Variants in WWC2 observed in about 807,000 individuals in gnomAD.
WWC2 encodes the protein protein WWC2.
In WWC2, 101 loss-of-function variants were observed where a neutral mutation model predicts 138.5. The ratio of observed to expected loss-of-function variants is 0.73; its 90% CI spans 0.62 to 0.86. The LOEUF (loss-of-function observed/expected upper bound fraction) is 0.86. Ranked by LOEUF, WWC2 falls within the 40% of genes least tolerant of loss-of-function variation. The pLI is 0.00. For synonymous variants in WWC2, 558 were observed against 538.4 expected, an observed-to-expected ratio of 1.04 and a Z score of -0.50; for missense variants, 1,420 against 1,419.4, an observed-to-expected ratio of 1.00 and a Z score of -0.01.
chr4:183,270,597 C>T (rs1230177938), intron 15 of WWC2, among the ~76,000 whole-genome samples: 4 of 152,016 alleles, frequency 2.6e-5, no homozygotes, highest in Non-Finnish European at 4.4e-5. Context: ...AACCCTGTCT[C>T]TACTAAAAAT....
chr4:183,232,948 G>A (rs928164541), intron 4 of WWC2, among the ~76,000 whole-genome samples: 4 of 151,696 alleles, frequency 2.6e-5, no homozygotes, highest in Middle Eastern at 3.2e-3. Context: ...GCGTCCAGCC[G>A]TATTTTATTT....
At chr4:183,180,532 G>A (rs955999188) in intron 1 of WWC2, among the ~76,000 whole-genome samples, 1 of 152,060 alleles carries the variant, frequency 6.6e-6, no homozygotes, top group African/African-American at 2.4e-5. Flanking sequence ...AGACTGGGAT[G>A]CAAACATTTA....
intron 4 of WWC2, among the ~76,000 whole-genome samples, chr4:183,231,294 G>C (rs1206356804): frequency 1.0e-5 from 1 of 99,796 alleles, no homozygotes; most frequent in Non-Finnish European, 1.8e-5. Flanking sequence ...TTTTGAGACA[G>C]AGCCTCACTC....
chr4:183,176,472 G>A (rs904131805), intron 1 of WWC2, among the ~76,000 whole-genome samples: 1 of 151,888 alleles, frequency 6.6e-6, no homozygotes, highest in South Asian at 2.1e-4. Flanking sequence ...ACTCAGGCTG[G>A]AGTGCAGTGG....
At position 183,260,917 on chromosome 4, in the gene WWC2, G is replaced by A; in HGVS notation, c.1294G>A (p.Ala432Thr). The A allele has an allele frequency of 6.2e-7, 1 of 1,613,350 alleles. No individual in the cohort carries two copies. The highest frequency in any genetic ancestry group is 1.3e-5 in the African/African-American group (1 of 74,986). Residue 432 changes from alanine (A) to threonine (T), a missense_variant, in exon 11 of 23, where the codon GCC becomes ACC. Physicochemically the swap from Ala to Thr is moderately conservative, Grantham distance 58. Transcript: ENST00000403733. Reference protein sequence around the residue: ...YLHSQLKSLSASTLSMSSGSS... With the variant: ...YLHSQLKSLSTSTLSMSSGSS... The stretch of plus-strand genomic sequence containing the variant: ...GTGCTTTTTGTCTTTCAGCCTCTCT[G>A]CCAGCACCCTGTCCATGTCATCTGG...
intron 1 of WWC2, among the ~76,000 whole-genome samples, chr4:183,167,859 A>ATTT (rs11389702): frequency 3.6e-4 from 51 of 141,526 alleles, no homozygotes; most frequent in African/African-American, 1.2e-3. Context: ...GAAGTTTGTG[A>ATTT]TTTTTTTTTT....
intron 3 of WWC2, 25 bp from the exon 4 acceptor site, chr4:183,208,924 A>G (rs1425079298): frequency 6.9e-7 from 1 of 1,451,772 alleles, no homozygotes; most frequent in Non-Finnish European, 9.4e-7. Flanking sequence ...GTAAATAATT[A>G]GTTTTTCTTT....
chr4:183,319,297 G>C lies in WWC2; in HGVS notation c.*3568G>C, dbSNP rs552493930. ...GATTAATGTTTTATTTACCACTTCTGTGCAATCGCTATTTTAAAATTGAGA... is the reference window on the plus strand; with the variant it reads ...GATTAATGTTTTATTTACCACTTCTCTGCAATCGCTATTTTAAAATTGAGA... On this transcript the variant is annotated 3_prime_UTR_variant, in exon 23 of 23. Transcript: ENST00000403733. 1 of 407,672 alleles carries C rather than the reference G, an allele frequency of 2.5e-6. No homozygotes were observed. The highest frequency in any genetic ancestry group is 4.5e-5 in the South Asian group (1 of 22,270). The allele number at this position is 407,672 out of a possible 1,614,324, so 25.3% of individuals were successfully genotyped here. A position where few individuals can be genotyped will look rare whatever the true frequency, so the allele number is the denominator to read the frequency against.
Position 183,099,606 on chromosome 4 carries a change from A to G in WWC2, c.115A>G (p.Ile39Val). Reference protein sequence around the residue: ...IDHNTRRTSWIDPRDRLTKPL... With the variant: ...IDHNTRRTSWVDPRDRLTKPL... ...CCACAACACCAGGAGGACCAGCTGG[A>G]TCGACCCCCGGGACAGGTGGGCGCC... The change falls in exon 1 of 23, where the codon ATC (isoleucine) becomes GTC (valine). Residue 39 changes from isoleucine (I) to valine (V), a missense_variant. Physicochemically the swap from Ile to Val is conservative, Grantham distance 29 (BLOSUM62 3). Coordinates refer to ENST00000403733, the MANE Select transcript of WWC2 (RefSeq NM_024949.6). 1 of 1,374,648 alleles carries G rather than the reference A, an allele frequency of 7.3e-7. No individual in the cohort carries two copies. Among genetic ancestry groups the G allele is most frequent in the Non-Finnish European group, 9.6e-7 (1 of 1,045,820 alleles). The allele number at this position is 1,374,648 out of a possible 1,614,324, so 85.2% of individuals were successfully genotyped here. A position where few individuals can be genotyped will look rare whatever the true frequency, so the allele number is the denominator to read the frequency against.
intron 1 of WWC2, among the ~76,000 whole-genome samples, chr4:183,119,911 A>G (rs187897036): frequency 1.1e-4 from 17 of 152,270 alleles, no homozygotes; most frequent in Middle Eastern, 3.4e-3. Flanking sequence ...TTACTCTGAT[A>G]TACATCCATA....
chr4:183,099,615 C>T lies in WWC2; in HGVS notation c.124C>T (p.Arg42Trp), dbSNP rs1453270147. The change falls in exon 1 of 23, where the codon CGG becomes TGG. Residue 42 changes from arginine to tryptophan, a missense_variant. Arg to Trp is a moderately radical substitution (Grantham distance 101). Coordinates refer to ENST00000403733, the MANE Select transcript of WWC2 (RefSeq NM_024949.6). ...NTRRTSWIDP[R>W]DRLTKPLSFA... ...CAGGAGGACCAGCTGGATCGACCCCCGGGACAGGTGGGCGCCGGCCGCGGG... is the reference window on the plus strand; with the variant it reads ...CAGGAGGACCAGCTGGATCGACCCCTGGGACAGGTGGGCGCCGGCCGCGGG... 1.5e-6 allele frequency: 2 copies of T among 1,360,504 alleles called. No homozygotes were observed. The highest frequency in any genetic ancestry group is 1.7e-5 in the South Asian group (1 of 58,556). The allele number at this position is 1,360,504 out of a possible 1,614,324, so 84.3% of individuals were successfully genotyped here.
rs573606821 is a variant in WWC2, at chr4:183,174,636, T to A, written c.132-18963T>A. 1.4e-3 allele frequency among the ~76,000 whole-genome samples: 206 copies of A among 152,332 alleles called. 1 individual carries two copies. The highest frequency in any genetic ancestry group is 4.8e-3 in the African/African-American group (200 of 41,578). On this transcript the variant is annotated intron_variant, in intron 1 of 22. Transcript: ENST00000403733. ...TTACTGGAAGTTCTTTAATAATGAA[T>A]TTTATCCTCCCAACTTTTTATTTTG...
chr4:183,267,829 C>A (rs1032250274), intron 14 of WWC2, among the ~76,000 whole-genome samples: 1 of 152,184 alleles, frequency 6.6e-6, no homozygotes, highest in Admixed American at 6.5e-5. Flanking sequence ...TCCTTAAACC[C>A]ACATGTAAAA....
chr4:183,183,717 G>T (rs1274676497), intron 1 of WWC2, among the ~76,000 whole-genome samples: 1 of 147,926 alleles, frequency 6.8e-6, no homozygotes, highest in African/African-American at 2.7e-5. Context: ...GGTTGAGGCT[G>T]TAGTGAGCTG....
In WWC2 at chr4:183,263,815, G is replaced by A. The variant is rs182867628; in HGVS notation, c.1910-1163G>A. Among the ~76,000 whole-genome samples, 11 of 152,208 alleles carry A rather than the reference G, an allele frequency of 7.2e-5. No homozygotes were observed. The East Asian group carries it at 1.2e-3, about 16-fold the overall frequency. Reference sequence around the variant, plus strand: ...TCACCAGCACTTTTTTTCAGGGGACGTCTGCCCTGCATGTGGGGTGGTGGC... The same window carrying A: ...TCACCAGCACTTTTTTTCAGGGGACATCTGCCCTGCATGTGGGGTGGTGGC... On this transcript the variant is annotated intron_variant, in intron 11 of 22. Coordinates refer to ENST00000403733, the MANE Select transcript of WWC2 (RefSeq NM_024949.6).
intron 5 of WWC2, among the ~76,000 whole-genome samples, chr4:183,243,676 C>T (rs755156648): frequency 1.1e-4 from 17 of 151,420 alleles, no homozygotes; most frequent in Admixed American, 2.0e-4. Context: ...TTCTCCCTTG[C>T]CTTCTTCATT....
At chr4:183,224,982 A>C (rs1193321840) in intron 4 of WWC2, among the ~76,000 whole-genome samples, 1 of 152,184 alleles carries the variant, frequency 6.6e-6, no homozygotes, top group Non-Finnish European at 1.5e-5. Flanking sequence ...GTGATAATGG[A>C]ACCTCTTTAT....
chr4:183,114,589 T>C (rs1212191469), intron 1 of WWC2, among the ~76,000 whole-genome samples: 1 of 152,040 alleles, frequency 6.6e-6, no homozygotes, highest in Non-Finnish European at 1.5e-5. Flanking sequence ...GTTCCAAGAT[T>C]GAGCCTTGAG....
At chr4:183,306,090 CCAGAG>C (rs1363145024) in intron 21 of WWC2, among the ~76,000 whole-genome samples, 17 of 151,936 alleles carry the variant, frequency 1.1e-4, no homozygotes, top group Admixed American at 9.2e-4. Flanking sequence ...AATACAAACT[CCAGAG>C]CAACCACTAG....
Sources: gnomAD v4.1 joint callset for allele counts (sites outside exome capture counted in the v4.1 genomes callset) on GRCh38, gnomAD v4.1.1 for gene constraint, MANE v1.5 for transcripts, NCBI Gene and HGNC (gene_info 2026-07-23, HGNC 2026-07-21) for gene names.